ARB2A: variants seen among roughly 807,000 people sequenced by gnomAD.
ARB2A encodes cotranscriptional regulator ARB2A.
the ARB2A span, among the ~76,000 whole-genome samples, chr5:94,106,870 G>GAAAAAAAAAAAAAAAAAA: frequency 1.7e-5 from 1 of 57,384 alleles, no homozygotes; most frequent in Admixed American, 2.1e-4. Context: ...AATCAATGCA[G>GAAAAAAAAAAAAAAAAAA]AAAAAAAAAA....
chr5:93,670,186 C>T, the ARB2A span, among the ~76,000 whole-genome samples: 1 of 152,204 alleles, frequency 6.6e-6, no homozygotes, highest in Non-Finnish European at 1.5e-5. Flanking sequence ...CCTGCCTAGG[C>T]TATTGAGCCA....
the ARB2A span, among the ~76,000 whole-genome samples, chr5:93,718,114 C>A: frequency 1.3e-5 from 2 of 151,600 alleles, no homozygotes; most frequent in African/African-American, 2.4e-5. Flanking sequence ...CAGGAGTGAA[C>A]CACCCCGCCT....
chr5:93,742,677 C>T, the ARB2A span, among the ~76,000 whole-genome samples: 1 of 152,194 alleles, frequency 6.6e-6, no homozygotes, highest in African/African-American at 2.4e-5. Context: ...AACTGGTCTT[C>T]TTGAAGTCAT....
the ARB2A span, among the ~76,000 whole-genome samples, chr5:93,836,393 T>TA: frequency 6.6e-6 from 1 of 152,342 alleles, no homozygotes; most frequent in East Asian, 1.9e-4. Context: ...GGAACACAGA[T>TA]ATGGCTCTAA....
chr5:94,004,019 T>C, the ARB2A span, among the ~76,000 whole-genome samples: 1 of 152,170 alleles, frequency 6.6e-6, no homozygotes, highest in Non-Finnish European at 1.5e-5. Flanking sequence ...TAATTAAAAA[T>C]TCAGAAGCAG....
At chr5:93,976,587 T>C in the ARB2A span, among the ~76,000 whole-genome samples, 5 of 152,214 alleles carry the variant, frequency 3.3e-5, no homozygotes, top group Non-Finnish European at 5.9e-5. Context: ...TGAGATCTGA[T>C]GGTTTCATAA....
At chr5:93,865,530 C>T in the ARB2A span, 8 of 985,254 alleles carry the variant, frequency 8.1e-6, no homozygotes, top group African/African-American at 1.7e-5. Flanking sequence ...TATCACACTA[C>T]TAGTTATTTC....
At chr5:93,911,984 T>G in the ARB2A span, among the ~76,000 whole-genome samples, 1 of 151,706 alleles carries the variant, frequency 6.6e-6, no homozygotes, top group Non-Finnish European at 1.5e-5. Flanking sequence ...GAACAAATAA[T>G]TATATGAACA....
the ARB2A span, among the ~76,000 whole-genome samples, chr5:93,803,852 G>T: frequency 6.6e-6 from 1 of 151,856 alleles, no homozygotes; most frequent in African/African-American, 2.4e-5. Flanking sequence ...TGTAGAAAAC[G>T]GGAAAGGTAA....
chr5:93,668,680 T>G, the ARB2A span, among the ~76,000 whole-genome samples: 2 of 152,210 alleles, frequency 1.3e-5, no homozygotes, highest in Non-Finnish European at 2.9e-5. Context: ...ATAGGATAAG[T>G]ACTTGAATTT....
the ARB2A span, among the ~76,000 whole-genome samples, chr5:93,688,426 A>G: frequency 1.3e-5 from 2 of 152,228 alleles, no homozygotes; most frequent in Non-Finnish European, 2.9e-5. Flanking sequence ...AATTATCTGC[A>G]TCTTCACATT....
the ARB2A span, among the ~76,000 whole-genome samples, chr5:93,872,074 G>A: frequency 6.6e-6 from 1 of 151,434 alleles, no homozygotes; most frequent in African/African-American, 2.4e-5. Context: ...TCAGCCTCCA[G>A]AGTAGCCGGG....
At chr5:93,797,205 A>C in the ARB2A span, among the ~76,000 whole-genome samples, 2 of 152,110 alleles carry the variant, frequency 1.3e-5, no homozygotes, top group Admixed American at 1.3e-4. Context: ...AGCACTGAAA[A>C]ATTTACACTG....
At chr5:93,873,304 G>C in the ARB2A span, among the ~76,000 whole-genome samples, 12 of 103,224 alleles carry the variant, frequency 1.2e-4, 1 homozygote, top group East Asian at 5.5e-4. Flanking sequence ...AAAAAAAAGG[G>C]GGGGGGGAAA....
At chr5:93,777,580 A>G in the ARB2A span, among the ~76,000 whole-genome samples, 1 of 146,402 alleles carries the variant, frequency 6.8e-6, no homozygotes, top group African/African-American at 2.6e-5. Context: ...GAATTTCCAG[A>G]CAGATTTTTT....
chr5:94,047,688 T>C, the ARB2A span, among the ~76,000 whole-genome samples: 4 of 152,104 alleles, frequency 2.6e-5, 1 homozygote, highest in African/African-American at 9.7e-5. Flanking sequence ...ACACCAAAAA[T>C]AAATCTGTGT....
chr5:93,870,395 C>T, the ARB2A span, among the ~76,000 whole-genome samples: 1 of 152,180 alleles, frequency 6.6e-6, no homozygotes, highest in Non-Finnish European at 1.5e-5. Flanking sequence ...TTTGCATTAC[C>T]TAACAGGCCA....
chr5:93,651,124 T>G, the ARB2A span, among the ~76,000 whole-genome samples: 1 of 151,370 alleles, frequency 6.6e-6, no homozygotes, highest in African/African-American at 2.4e-5. Flanking sequence ...AACTTTCAAA[T>G]ACTGAAAGAA....
the ARB2A span, among the ~76,000 whole-genome samples, chr5:93,922,917 A>G: frequency 2.6e-5 from 4 of 152,156 alleles, no homozygotes; most frequent in South Asian, 2.1e-4. Flanking sequence ...AAGAATTGGT[A>G]CCGTATAGAA....
Sources: allele counts gnomAD v4.1 joint callset (sites outside exome capture counted in the v4.1 genomes callset), GRCh38; gene constraint gnomAD v4.1.1; transcripts MANE v1.5; gene names NCBI Gene and HGNC (gene_info 2026-07-23, HGNC 2026-07-21).